IL1RAP: variants seen among roughly 807,000 people sequenced by gnomAD.
The protein encoded by IL1RAP is interleukin-1 receptor accessory protein.
Under a neutral mutation model 60.7 loss-of-function variants are expected in IL1RAP, and 35 were observed. That is an observed-to-expected ratio of 0.58 (90% CI 0.44 to 0.76). IL1RAP has a LOEUF of 0.76. IL1RAP is among the 30% of genes least tolerant of loss of function. The pLI is 0.00. For synonymous variants in IL1RAP, 268 were observed against 250.9 expected, an observed-to-expected ratio of 1.07 and a Z score of -0.64; for missense variants, 572 against 693.9, an observed-to-expected ratio of 0.82 and a Z score of 1.97.
intron 3 of IL1RAP, among the ~76,000 whole-genome samples, chr3:190,567,363 A>T (rs1344504394): frequency 6.6e-6 from 1 of 152,228 alleles, no homozygotes; most frequent in African/African-American, 2.4e-5. Flanking sequence ...TATAGTAATA[A>T]TAATAAAGCT....
At chr3:190,561,220 A>G (rs1725861476) in intron 2 of IL1RAP, among the ~76,000 whole-genome samples, 1 of 152,106 alleles carries the variant, frequency 6.6e-6, no homozygotes, top group Non-Finnish European at 1.5e-5. Context: ...AAAGTGTATT[A>G]CTCTTTACGA....
intron 1 of IL1RAP, among the ~76,000 whole-genome samples, chr3:190,532,227 G>T (rs1213519839): frequency 1.3e-5 from 2 of 151,706 alleles, no homozygotes; most frequent in Non-Finnish European, 2.9e-5. Flanking sequence ...TGTGTGCCAG[G>T]TGCTTTACAA....
At chr3:190,553,905 C>CA (rs1028914131) in intron 1 of IL1RAP, among the ~76,000 whole-genome samples, 3 of 151,288 alleles carry the variant, frequency 2.0e-5, no homozygotes, top group African/African-American at 7.3e-5. Flanking sequence ...ACTAAAAATA[C>CA]AAAAAATTAG....
At chr3:190,592,990 G>C (rs901389233) in intron 3 of IL1RAP, among the ~76,000 whole-genome samples, 2 of 152,090 alleles carry the variant, frequency 1.3e-5, no homozygotes, top group African/African-American at 4.8e-5. Flanking sequence ...AACAGGAGTA[G>C]TACACTATTC....
At chr3:190,631,013 C>T (rs1732743820) in intron 9 of IL1RAP, among the ~76,000 whole-genome samples, 1 of 152,068 alleles carries the variant, frequency 6.6e-6, no homozygotes, top group Non-Finnish European at 1.5e-5. Flanking sequence ...TTGACAAAGG[C>T]TTTTATCATC....
intron 9 of IL1RAP, among the ~76,000 whole-genome samples, chr3:190,636,921 T>A (rs780617262): frequency 5.1e-4 from 78 of 152,198 alleles, no homozygotes; most frequent in Admixed American, 3.4e-3. Flanking sequence ...ATCACTTTTT[T>A]GAGCTTTTGG....
intron 1 of IL1RAP, chr3:190,520,398 A>T (rs2108595279): frequency 6.6e-6 from 1 of 152,290 alleles, no homozygotes; most frequent in Non-Finnish European, 1.5e-5. Flanking sequence ...GTGGTCACAA[A>T]ATCAGACAAT....
intron 7 of IL1RAP, among the ~76,000 whole-genome samples, chr3:190,627,111 G>A (rs2361835): frequency 0.9 from 136,836 of 152,056 alleles, 61,778 homozygotes; most frequent in East Asian, 1. Flanking sequence ...GAAGTATGGT[G>A]CATTACCTTA....
intron 1 of IL1RAP, among the ~76,000 whole-genome samples, chr3:190,536,865 A>G (rs996301105): frequency 6.6e-6 from 1 of 152,174 alleles, no homozygotes; most frequent in Non-Finnish European, 1.5e-5. Flanking sequence ...TTTTATATAC[A>G]CATATGATTC....
intron 7 of IL1RAP, among the ~76,000 whole-genome samples, chr3:190,627,094 T>C (rs185630533): frequency 2.0e-5 from 3 of 152,252 alleles, no homozygotes; most frequent in Admixed American, 2.0e-4. Flanking sequence ...CTTGTTTGTT[T>C]TGGAATGAAG....
chr3:190,556,491 C>T (rs1222491792), intron 2 of IL1RAP, among the ~76,000 whole-genome samples: 1 of 152,064 alleles, frequency 6.6e-6, no homozygotes, highest in African/African-American at 2.4e-5. Flanking sequence ...ATTTTTACTG[C>T]TATTTTAAAA....
At chr3:190,535,719 G>A (rs142605549) in intron 1 of IL1RAP, among the ~76,000 whole-genome samples, 155 of 152,288 alleles carry the variant, frequency 1.0e-3, no homozygotes, top group African/African-American at 3.5e-3. Context: ...CCACAAACAC[G>A]GTGGCATAAG....
At chr3:190,597,402 T>G (rs1404361365) in intron 3 of IL1RAP, among the ~76,000 whole-genome samples, 1 of 152,216 alleles carries the variant, frequency 6.6e-6, no homozygotes, top group Non-Finnish European at 1.5e-5. Flanking sequence ...GATTTATTTT[T>G]CACTCATGTC....
intron 3 of IL1RAP, among the ~76,000 whole-genome samples, chr3:190,595,413 T>C (rs1729293221): frequency 2.6e-5 from 4 of 152,220 alleles, no homozygotes. Flanking sequence ...CTTAAACATA[T>C]TGATTTCCTC....
At chr3:190,566,032 C>T (rs766013876) in intron 3 of IL1RAP, among the ~76,000 whole-genome samples, 2 of 151,658 alleles carry the variant, frequency 1.3e-5, no homozygotes, top group Non-Finnish European at 2.9e-5. Flanking sequence ...TCCTGAACTC[C>T]CTGTCCTTCC....
rs1480983914 is a variant in IL1RAP, at chr3:190,604,319, C to A, written c.256C>A (p.Arg86Ser). The change falls in exon 4 of 12, where the codon CGC becomes AGC. Residue 86 changes from arginine (R) to serine (S), a missense_variant. Arg to Ser is a moderately radical substitution (Grantham distance 110, BLOSUM62 -1). Coordinates refer to ENST00000447382, the MANE Select transcript of IL1RAP (RefSeq NM_002182.4). ...DRDLEEPINF[R>S]LPENRISKEK... Reference sequence around the variant, plus strand: ...GGACCTTGAGGAGCCAATTAACTTCCGCCTCCCCGAGAACCGCATTAGTAA... The same window carrying A: ...GGACCTTGAGGAGCCAATTAACTTCAGCCTCCCCGAGAACCGCATTAGTAA... 6.2e-7 allele frequency: 1 copy of A among 1,613,894 alleles called. No homozygotes were observed. Among genetic ancestry groups the A allele is most frequent in the Non-Finnish European group, 8.5e-7 (1 of 1,179,974 alleles).
At chr3:190,637,926 A>G (rs1733356144) in intron 9 of IL1RAP, among the ~76,000 whole-genome samples, 1 of 151,888 alleles carries the variant, frequency 6.6e-6, no homozygotes, top group South Asian at 2.1e-4. Flanking sequence ...AATGTTCTTG[A>G]TATTCACCCA....
chr3:190,612,430 C>T (rs1411047103), intron 5 of IL1RAP, among the ~76,000 whole-genome samples: 1 of 152,024 alleles, frequency 6.6e-6, no homozygotes, highest in African/African-American at 2.4e-5. Context: ...CTTTTTTCCT[C>T]ATGCATTTCC....
At chr3:190,588,798 G>A (rs540616245) in intron 3 of IL1RAP, among the ~76,000 whole-genome samples, 1 of 152,160 alleles carries the variant, frequency 6.6e-6, no homozygotes, top group Non-Finnish European at 1.5e-5. Context: ...TGAGGCAAAT[G>A]TTCTCAACCT....
Sources: allele counts gnomAD v4.1 joint callset (sites outside exome capture counted in the v4.1 genomes callset), GRCh38; gene constraint gnomAD v4.1.1; transcripts MANE v1.5; gene names NCBI Gene and HGNC (gene_info 2026-07-23, HGNC 2026-07-21).